The following NME4 variants were observed in gnomAD, a reference collection of about 807,000 sequenced individuals.
The protein encoded by NME4 is NME/NM23 nucleoside diphosphate kinase 4.
In NME4, 21 loss-of-function variants were observed where a neutral mutation model predicts 16.4. The observed-to-expected ratio is 1.28, with a 90% confidence interval of 0.91 to 1.84. The LOEUF (loss-of-function observed/expected upper bound fraction) is 1.84. Ranked by LOEUF, NME4 falls within the 40% of genes most tolerant of loss-of-function variation. NME4 has a pLI of 0.00. For missense variants in NME4, 316 were observed against 261.3 expected (o/e 1.21, Z -1.44); for synonymous variants, 132 against 107.5 (o/e 1.23, Z -1.41).
Position 399,851 on chromosome 16 carries a change from GT to G in NME4, c.440+113del. 8.1e-6 allele frequency: 7 copies of G among 867,674 alleles called. No homozygotes were observed. In the South Asian group the frequency reaches 1.0e-4, roughly 13 times the overall value. The allele number at this position is 867,674 out of a possible 1,614,324, so 53.7% of individuals were successfully genotyped here. On this transcript the variant is annotated intron_variant, in intron 4 of 4. Coordinates refer to ENST00000219479, the MANE Select transcript of NME4 (RefSeq NM_005009.3). ...TCTTGCTGTGCTAGGATGAAGCCAG[GT>G]CGGACATGACAGCTCACACTGGTGA...
chr16:400,482 A>G lies in NME4; in HGVS notation c.*140A>G, dbSNP rs1242955436. ...CCTCTGCCCCACCCCAGCCCAGAGG[A>G]GTTTGAGCCACCAACTTCAGTGCCT... On this transcript the variant is annotated 3_prime_UTR_variant, in exon 5 of 5. Coordinates refer to ENST00000219479, the MANE Select transcript of NME4 (RefSeq NM_005009.3). 30 of 1,074,774 alleles carry G rather than the reference A, an allele frequency of 2.8e-5. No homozygotes were observed. Among genetic ancestry groups the G allele is most frequent in the Non-Finnish European group, 3.7e-5 (29 of 783,184 alleles). The allele number at this position is 1,074,774 out of a possible 1,614,324, so 66.6% of individuals were successfully genotyped here. A position where few individuals can be genotyped will look rare whatever the true frequency, so the allele number is the denominator to read the frequency against.
At position 400,520 on chromosome 16, in the gene NME4, A is replaced by C; in HGVS notation, c.*178A>C. 1 of 665,080 alleles carries C rather than the reference A, an allele frequency of 1.5e-6. No individual in the cohort carries two copies. The highest frequency in any genetic ancestry group is 2.5e-5 in the South Asian group (1 of 39,626). 41.2% of individuals were successfully genotyped at this position (665,080 alleles called of 1,614,324 possible). A position where few individuals can be genotyped will look rare whatever the true frequency, so the allele number is the denominator to read the frequency against. ...AACTTCAGTGCCTTTCTGTACCCCA[A>C]GCCAGCACAAGATTGGACCAATCCT... On this transcript the variant is annotated 3_prime_UTR_variant, in exon 5 of 5. Coordinates refer to ENST00000219479, the MANE Select transcript of NME4 (RefSeq NM_005009.3).
chr16:398,395 G>GTGTGTTTCTCCC lies in NME4; in HGVS notation c.92-592_92-581dup. 4 of 1,238,314 alleles carry GTGTGTTTCTCCC rather than the reference G, an allele frequency of 3.2e-6. No individual in the cohort carries two copies. In the South Asian group the frequency reaches 5.4e-5, roughly 17 times the overall value. 76.7% of individuals were successfully genotyped at this position (1,238,314 alleles called of 1,614,324 possible). ...TTCCAGGGCTCACCTGGTGGGGAAA[G>GTGTGTTTCTCCC]TGTGTTTCTCCCTGGTTCCCTGCCA... is the stretch of plus-strand genomic sequence containing the variant. On this transcript the variant is annotated intron_variant, in intron 1 of 4. Transcript: ENST00000219479.
Position 399,489 on chromosome 16 carries a change from G to A in NME4, c.327+9G>A, listed in dbSNP as rs1199648452. 5.0e-6 allele frequency: 8 copies of A among 1,611,618 alleles called. No individual in the cohort carries two copies. Among genetic ancestry groups the A allele is most frequent in the Admixed American group, 1.7e-5 (1 of 59,982 alleles). On this transcript the variant is annotated intron_variant, in intron 3 of 4. Coordinates refer to ENST00000219479, the MANE Select transcript of NME4 (RefSeq NM_005009.3). ...GGCCTGTGGTGGCCATGGTACGGCA[G>A]GGCAGGGGTGGTGGAAGGGCCTGTG...
chr16:397,074 T>TC (rs1453036096), upstream of NME4: 1 of 142,434 alleles, frequency 7.0e-6, no homozygotes, highest in African/African-American at 2.7e-5. Flanking sequence ...GTTGAACATT[T>TC]CCCCCGTGAG....
chr16:397,216 G>C lies in NME4; in HGVS notation c.-7G>C. 1 of 1,013,926 alleles carries C rather than the reference G, an allele frequency of 9.9e-7. No individual in the cohort carries two copies. The highest frequency in any genetic ancestry group is 1.2e-6 in the Non-Finnish European group (1 of 849,858). 62.8% of individuals were successfully genotyped at this position (1,013,926 alleles called of 1,614,324 possible). A position where few individuals can be genotyped will look rare whatever the true frequency, so the allele number is the denominator to read the frequency against. Reference sequence around the variant, plus strand: ...TCGCGCTCACAGCGGCCCGCGGGCCGGGCGTCATGGGCGGCCTCTTCTGGC... The same window carrying C: ...TCGCGCTCACAGCGGCCCGCGGGCCCGGCGTCATGGGCGGCCTCTTCTGGC... On this transcript the variant is annotated 5_prime_UTR_variant, in exon 1 of 5. Coordinates refer to ENST00000219479, the MANE Select transcript of NME4 (RefSeq NM_005009.3).
intron 1 of NME4, chr16:398,502 C>A: frequency 1.1e-6 from 1 of 870,948 alleles, no homozygotes; most frequent in Non-Finnish European, 1.5e-6. Flanking sequence ...CTGTCGTCAT[C>A]CAGAAGGGAT....
intron 1 of NME4, chr16:398,172 A>G (rs431324): frequency 0.045 from 68,621 of 1,514,370 alleles, 3,799 homozygotes; most frequent in African/African-American, 0.27. Context: ...GCCTGGGACT[A>G]TAGGAAGGTG....
intron 1 of NME4, chr16:398,626 C>T (rs750506177): frequency 2.5e-6 from 1 of 402,314 alleles, no homozygotes; most frequent in South Asian, 2.4e-5. Context: ...CTGTCCCTCC[C>T]TGGACCTTGA....
At chr16:399,293 A>G (rs1350209513) in intron 2 of NME4, 86 bp from the exon 3 acceptor site, 19 of 1,433,826 alleles carry the variant, frequency 1.3e-5, no homozygotes, top group Admixed American at 1.2e-4. Flanking sequence ...GTTATCTGCA[A>G]GGTGCCTGAG....
intron 1 of NME4, chr16:398,554 T>C (rs2054595793): frequency 1.9e-6 from 1 of 528,338 alleles, no homozygotes; most frequent in Non-Finnish European, 2.9e-6. Context: ...ATCTCCAGAC[T>C]TCCCTGAGGC....
chr16:399,543 C>A, intron 3 of NME4, 63 bp downstream of exon 3: 11 of 1,594,884 alleles, frequency 6.9e-6, no homozygotes, highest in Non-Finnish European at 9.4e-6. Context: ...GTGTCTTTCC[C>A]CCCAGCAAAG....
intron 1 of NME4, chr16:398,009 C>T (rs1296612040): frequency 6.5e-7 from 1 of 1,539,092 alleles, no homozygotes; most frequent in Non-Finnish European, 8.7e-7. Flanking sequence ...GGGGGTCTTC[C>T]TCCCGTGGGC....
intron 1 of NME4, 36 bp from the exon 2 acceptor site, chr16:398,954 G>C: frequency 6.2e-7 from 1 of 1,607,024 alleles, no homozygotes; most frequent in Non-Finnish European, 8.5e-7. Context: ...GTGAAAGGGT[G>C]AGGTGGCAGT....
chr16:397,821 G>A lies in NME4; in HGVS notation c.91+508G>A, dbSNP rs372308687. 1,287 of 1,512,750 alleles carry A rather than the reference G, an allele frequency of 8.5e-4. 10 individuals are homozygous for A. The African/African-American group carries it at 0.016, about 19-fold the overall frequency. The allele number at this position is 1,512,750 out of a possible 1,614,324, so 93.7% of individuals were successfully genotyped here. On this transcript the variant is annotated intron_variant, in intron 1 of 4. Coordinates refer to ENST00000219479, the MANE Select transcript of NME4 (RefSeq NM_005009.3). ...CTGGGACGTCAGGCCCCAAGTCCCC[G>A]GCCCCGCCGCTGCCCGGCCCCCCCA... is the stretch of plus-strand genomic sequence containing the variant.
At position 399,619 on chromosome 16, in the gene NME4, C is replaced by T. The variant is rs201839417; in HGVS notation, c.328-8C>T. On this transcript the variant is annotated splice_region_variant and splice_polypyrimidine_tract_variant and intron_variant, in intron 3 of 4. Coordinates refer to ENST00000219479, the MANE Select transcript of NME4 (RefSeq NM_005009.3). ...CCACTTCTCCCCAACCATTATCTCT[C>T]GCTGCAGGTCTGGGAAGGGTACAAT... 431 of 1,611,732 alleles carry T rather than the reference C, an allele frequency of 2.7e-4. 3 individuals are homozygous for T. In the African/African-American group the frequency reaches 3.0e-3, roughly 11 times the overall value.
upstream of NME4, chr16:397,176 C>A: frequency 1.1e-6 from 1 of 873,888 alleles, no homozygotes; most frequent in Non-Finnish European, 1.4e-6. Context: ...TGGCACCGCC[C>A]TCCGCGCCCG....
upstream of NME4, chr16:396,882 T>G (rs1390399411): frequency 6.6e-6 from 1 of 152,340 alleles, no homozygotes; most frequent in African/African-American, 2.4e-5. Context: ...CAGTCACAGC[T>G]CACTGCAGCC....
chr16:398,705 C>T (rs2054598926), intron 1 of NME4: 2 of 516,564 alleles, frequency 3.9e-6, no homozygotes, highest in South Asian at 4.4e-5. Context: ...GCAGTGCCTC[C>T]CTGAACCTCG....
Sources: gnomAD v4.1 joint callset for allele counts on GRCh38, gnomAD v4.1.1 for gene constraint, MANE v1.5 for transcripts, NCBI Gene and HGNC (gene_info 2026-07-23, HGNC 2026-07-21) for gene names.